Variants in METTL15 observed in about 807,000 individuals in gnomAD.
METTL15 encodes 12S rRNA N(4)-cytidine methyltransferase METTL15.
In METTL15, 34 loss-of-function variants were observed where a neutral mutation model predicts 38.3. The observed-to-expected ratio is 0.89, with a 90% CI of 0.68 to 1.18. The LOEUF is 1.18. METTL15 is among the 50% of genes most tolerant of loss of function. The pLI is 0.00. For synonymous variants in METTL15, 162 were observed against 170.9 expected (o/e 0.95, Z 0.41); for missense variants, 438 against 498.4 (o/e 0.88, Z 1.15).
intron 4 of METTL15, among the ~76,000 whole-genome samples, chr11:28,216,178 A>G (rs780481467): frequency 2.6e-5 from 4 of 152,108 alleles, no homozygotes; most frequent in Admixed American, 2.6e-4. Context: ...AAAAAGTGAC[A>G]AGATGTTTTT....
chr11:28,252,813 A>G (rs1267538226), intron 4 of METTL15, among the ~76,000 whole-genome samples: 1 of 152,112 alleles, frequency 6.6e-6, no homozygotes, highest in Non-Finnish European at 1.5e-5. Context: ...AAAGTTGTCC[A>G]CGTCCACTCC....
intron 5 of METTL15, among the ~76,000 whole-genome samples, chr11:28,378,845 A>T (rs1245726667): frequency 2.0e-5 from 3 of 149,356 alleles, no homozygotes; most frequent in African/African-American, 7.4e-5. Context: ...TGAAGCCATC[A>T]GGTCCTGGGC....
chr11:28,227,802 G>T (rs1275205039), intron 4 of METTL15, among the ~76,000 whole-genome samples: 1 of 151,944 alleles, frequency 6.6e-6, no homozygotes, highest in African/African-American at 2.4e-5. Flanking sequence ...AAAGGATTCA[G>T]TGAGATCAAT....
At chr11:28,520,214 T>A (rs1424966883) in intron 6 of METTL15, among the ~76,000 whole-genome samples, 1 of 152,088 alleles carries the variant, frequency 6.6e-6, no homozygotes, top group Non-Finnish European at 1.5e-5. Flanking sequence ...GGTGCATACC[T>A]GTATTCCCAG....
chr11:28,330,772 A>C lies in METTL15; in HGVS notation c.1155A>C (p.Pro385=), dbSNP rs1399228920. Residue 385 remains proline, a synonymous_variant, in exon 7 of 7, where the codon CCA becomes CCC. Transcript: ENST00000407364. ...WELIHKKVLS[P]QDQDVQDNPR... ...TGATACACAAGAAGGTACTTAGTCC[A>C]CAAGATCAGGATGTACAAGATAACC... 2.6e-6 allele frequency: 4 copies of C among 1,551,814 alleles called. No homozygotes were observed. The highest frequency in any genetic ancestry group is 3.5e-6 in the Non-Finnish European group (4 of 1,146,858).
chr11:28,187,148 G>A (rs1851526184), intron 3 of METTL15, among the ~76,000 whole-genome samples: 1 of 151,162 alleles, frequency 6.6e-6, no homozygotes, highest in African/African-American at 2.4e-5. Context: ...TTAAAAATTA[G>A]TAAATATAAA....
At chr11:28,344,764 T>C (rs2133356875) in intron 3 of METTL15, among the ~76,000 whole-genome samples, 1 of 152,314 alleles carries the variant, frequency 6.6e-6, no homozygotes, top group East Asian at 1.9e-4. Context: ...TTAAGTGATG[T>C]CTGAGGATTT....
chr11:28,111,886 A>G (rs1478922476), intron 2 of METTL15, among the ~76,000 whole-genome samples: 2 of 152,130 alleles, frequency 1.3e-5, no homozygotes, highest in African/African-American at 4.8e-5. Context: ...CTTTCCAGAA[A>G]CCTTAGGCAT....
intron 4 of METTL15, among the ~76,000 whole-genome samples, chr11:28,238,614 T>TG (rs1387324320): frequency 6.6e-6 from 1 of 152,214 alleles, no homozygotes; most frequent in Non-Finnish European, 1.5e-5. Context: ...CTGCACCCAC[T>TG]GTCCTGCGCC....
intron 6 of METTL15, among the ~76,000 whole-genome samples, chr11:28,517,715 C>T (rs961583773): frequency 4.6e-5 from 7 of 152,142 alleles, no homozygotes; most frequent in African/African-American, 1.7e-4. Context: ...TTTACTTTGG[C>T]AATAAATAAG....
Position 28,330,670 on chromosome 11 carries a change from G to A in METTL15, c.1053G>A (p.Met351Ile), listed in dbSNP as rs766328741. 1.3e-6 allele frequency: 2 copies of A among 1,551,402 alleles called. No individual in the cohort carries two copies. The highest frequency in any genetic ancestry group is 2.4e-5 in the South Asian group (2 of 84,046). The change falls in exon 7 of 7, where the codon ATG becomes ATA. Residue 351 changes from methionine to isoleucine, a missense_variant. Met to Ile is a conservative substitution (Grantham distance 10). Transcript: ENST00000407364. The stretch of plus-strand genomic sequence containing the variant: ...ACCTAAGTGTTAGACAACAAGTGAT[G>A]AAAACATCTCAATTGGGTTCAGATC... ...RFNLSVRQQVMKTSQLGSDHE... is the reference protein window; with the variant it reads ...RFNLSVRQQVIKTSQLGSDHE...
At chr11:28,147,294 G>A (rs1372785492) in intron 3 of METTL15, among the ~76,000 whole-genome samples, 2 of 151,748 alleles carry the variant, frequency 1.3e-5, no homozygotes, top group Non-Finnish European at 3.0e-5. Flanking sequence ...GCTGTCTAGT[G>A]CCAGATTCAG....
Position 28,495,014 on chromosome 11 carries a change from G to A in METTL15, c.*425-31464G>A, listed in dbSNP as rs888615574. On this transcript the variant is annotated intron_variant and NMD_transcript_variant, in intron 6 of 7. Transcript: ENST00000532947. Reference sequence around the variant, plus strand: ...TATAAAACACTTCACACAGTACCTGGCATGGAGTCACTGCTGAACTAATAT... The same window carrying A: ...TATAAAACACTTCACACAGTACCTGACATGGAGTCACTGCTGAACTAATAT... Among the ~76,000 whole-genome samples the A allele has an allele frequency of 2.6e-4, 39 of 152,260 alleles. 1 individual carries two copies. The highest frequency in any genetic ancestry group is 4.6e-4 in the Admixed American group (7 of 15,286).
intron 4 of METTL15, among the ~76,000 whole-genome samples, chr11:28,271,511 G>A (rs1031019847): frequency 1.6e-4 from 24 of 151,790 alleles, no homozygotes; most frequent in African/African-American, 4.6e-4. Flanking sequence ...CCTGCTAGTG[G>A]CCTAACGATC....
chr11:28,153,756 A>C (rs971463873), intron 3 of METTL15, among the ~76,000 whole-genome samples: 1 of 152,120 alleles, frequency 6.6e-6, no homozygotes, highest in African/African-American at 2.4e-5. Context: ...CAACAGATAA[A>C]ATATTATACT....
chr11:28,531,528 C>T (rs1463513969), downstream of METTL15, among the ~76,000 whole-genome samples: 1 of 152,002 alleles, frequency 6.6e-6, no homozygotes, highest in Non-Finnish European at 1.5e-5. Flanking sequence ...GCTTCAGATA[C>T]TTTCTGTGTG....
At chr11:28,409,490 A>C (rs866848894) in intron 5 of METTL15, among the ~76,000 whole-genome samples, 22 of 152,084 alleles carry the variant, frequency 1.4e-4, no homozygotes, top group South Asian at 2.1e-4. Flanking sequence ...TGGAAAATTC[A>C]CAAATATGTG....
intron 6 of METTL15, among the ~76,000 whole-genome samples, chr11:28,507,527 A>ATATATATCCAG (rs1851638890): frequency 6.6e-6 from 1 of 152,144 alleles, no homozygotes; most frequent in East Asian, 1.9e-4. Context: ...CACTTCCCTC[A>ATATATATCCAG]ACTCCAGACA....
intron 4 of METTL15, among the ~76,000 whole-genome samples, chr11:28,225,109 T>C (rs941174752): frequency 1.3e-5 from 2 of 151,888 alleles, no homozygotes; most frequent in African/African-American, 4.8e-5. Context: ...CCTTTATTTG[T>C]ATTTTTTCTT....
Sources: gnomAD v4.1 joint callset for allele counts (sites outside exome capture counted in the v4.1 genomes callset) on GRCh38, gnomAD v4.1.1 for gene constraint, MANE v1.5 for transcripts, NCBI Gene and HGNC (gene_info 2026-07-23, HGNC 2026-07-21) for gene names.